MYO16: variants seen among roughly 807,000 people sequenced by gnomAD.
The protein encoded by MYO16 is myosin XVI.
MYO16 carries 94 observed loss-of-function variants against 205.3 expected under a neutral mutation model. The ratio of observed to expected loss-of-function variants is 0.46; its 90% CI spans 0.39 to 0.54. MYO16 has a LOEUF of 0.54. Among genes scored for constraint, MYO16 ranks in the 20% least tolerant of loss-of-function variants. The pLI is 0.00. For missense variants in MYO16, 2,315 were observed against 2,387.5 expected, an observed-to-expected ratio of 0.97 and a Z score of 0.63; for synonymous variants, 988 against 954.0, an observed-to-expected ratio of 1.04 and a Z score of -0.66.
chr13:108,880,047 C>T (rs531225428), intron 12 of MYO16, among the ~76,000 whole-genome samples: 311 of 152,202 alleles, frequency 2.0e-3, no homozygotes, highest in South Asian at 5.2e-3. Flanking sequence ...TTTTAATGAT[C>T]GCCATTCTAA....
At chr13:108,625,117 C>A (rs928784491), upstream of MYO16, among the ~76,000 whole-genome samples, 6 of 152,286 alleles carry the variant, frequency 3.9e-5, no homozygotes, top group Middle Eastern at 3.4e-3. Context: ...CTGTGCAAGT[C>A]TGTATTGTAA....
rs5806751 is a variant in MYO16 at position 108,679,711 on chromosome 13, C to CAAA, written c.292+13571_292+13573dup. Among the ~76,000 whole-genome samples, 323 of 136,058 alleles carry CAAA rather than the reference C, an allele frequency of 2.4e-3. 1 individual carries two copies. Among genetic ancestry groups the CAAA allele is most frequent in the Middle Eastern group, 7.9e-3 (2 of 252 alleles). 89.3% of individuals were successfully genotyped at this position (136,058 alleles called of 152,430 possible). A position where few individuals can be genotyped will look rare whatever the true frequency, so the allele number is the denominator to read the frequency against. On this transcript the variant is annotated intron_variant, in intron 2 of 34. Coordinates refer to ENST00000457511, the MANE Select transcript of MYO16 (RefSeq NM_001198950.3). The stretch of plus-strand genomic sequence containing the variant: ...CCTAAATGTACTGTTCTTGGTTCTG[C>CAAA]AAAAAAAAAAATAATAATAATAATA...
intron 4 of MYO16, among the ~76,000 whole-genome samples, chr13:108,734,502 A>G (rs779280149): frequency 6.6e-6 from 1 of 152,126 alleles, no homozygotes; most frequent in Non-Finnish European, 1.5e-5. Flanking sequence ...CTCCCCACCT[A>G]TGTTGGACAG....
intron 27 of MYO16, among the ~76,000 whole-genome samples, chr13:109,100,155 A>T (rs1035790169): frequency 3.3e-5 from 5 of 152,196 alleles, no homozygotes; most frequent in African/African-American, 1.2e-4. Context: ...TAAATGGATG[A>T]TGTAATTTTA....
chr13:108,888,110 G>T (rs928784940), intron 13 of MYO16, among the ~76,000 whole-genome samples: 10 of 152,128 alleles, frequency 6.6e-5, no homozygotes, highest in Non-Finnish European at 1.5e-5. Context: ...CATTTGTAAT[G>T]CCAGCATCTG....
chr13:108,732,177 T>C (rs2139593641), intron 4 of MYO16, among the ~76,000 whole-genome samples: 1 of 152,348 alleles, frequency 6.6e-6, no homozygotes, highest in Non-Finnish European at 1.5e-5. Context: ...CTTCTTTCCA[T>C]TTTCCAGAGC....
the MYO16 span, among the ~76,000 whole-genome samples, chr13:108,529,404 AT>A: frequency 1.6e-4 from 24 of 151,006 alleles, 1 homozygote; most frequent in South Asian, 4.2e-4. Flanking sequence ...CTTTAAAGCC[AT>A]TTTTTTTTAA....
chr13:108,744,711 G>A (rs969693158), intron 4 of MYO16, among the ~76,000 whole-genome samples: 4 of 152,128 alleles, frequency 2.6e-5, no homozygotes, highest in African/African-American at 9.7e-5. Context: ...TGATCTTAAG[G>A]CAAGTTGACC....
chr13:109,058,030 G>C (rs1032197420), intron 27 of MYO16, among the ~76,000 whole-genome samples: 2 of 152,044 alleles, frequency 1.3e-5, no homozygotes, highest in African/African-American at 4.8e-5. Context: ...TCACCTGGAG[G>C]CTTCTTAAAA....
chr13:109,058,009 G>C (rs1400127779), intron 27 of MYO16, among the ~76,000 whole-genome samples: 1 of 152,112 alleles, frequency 6.6e-6, no homozygotes, highest in East Asian at 1.9e-4. Context: ...TGACATGAGT[G>C]CACATCAAAA....
chr13:108,934,909 CTT>C (rs897070673), intron 16 of MYO16, among the ~76,000 whole-genome samples: 9 of 152,024 alleles, frequency 5.9e-5, no homozygotes, highest in South Asian at 2.1e-4. Flanking sequence ...CTTTTGCTGA[CTT>C]TGTTGAGATT....
At chr13:108,575,407 G>T in the MYO16 span, among the ~76,000 whole-genome samples, 1 of 152,108 alleles carries the variant, frequency 6.6e-6, no homozygotes, top group African/African-American at 2.4e-5. Flanking sequence ...TCAGGCCCTT[G>T]CTCTGCTGCC....
At chr13:108,496,192 A>G in the MYO16 span, among the ~76,000 whole-genome samples, 1 of 151,336 alleles carries the variant, frequency 6.6e-6, no homozygotes, top group Non-Finnish European at 1.5e-5. Flanking sequence ...CCCAACCGCT[A>G]GGACGCGTAA....
chr13:108,722,953 C>A (rs1183395643), intron 3 of MYO16, among the ~76,000 whole-genome samples: 2 of 152,162 alleles, frequency 1.3e-5, no homozygotes, highest in Non-Finnish European at 2.9e-5. Flanking sequence ...TGTAAGAATT[C>A]GCATTTGTCA....
At chr13:108,971,752 C>T (rs893093564) in intron 20 of MYO16, among the ~76,000 whole-genome samples, 1 of 152,056 alleles carries the variant, frequency 6.6e-6, no homozygotes, top group African/African-American at 2.4e-5. Context: ...ATTGATTTCT[C>T]ATGAGTTAGT....
chr13:108,890,623 A>G (rs1379344841), intron 14 of MYO16, among the ~76,000 whole-genome samples: 1 of 152,166 alleles, frequency 6.6e-6, no homozygotes, highest in Non-Finnish European at 1.5e-5. Context: ...TCATGCTGCT[A>G]TCTAGTTCGG....
chr13:108,891,524 T>C (rs914408157), intron 14 of MYO16, among the ~76,000 whole-genome samples: 1 of 152,248 alleles, frequency 6.6e-6, no homozygotes, highest in African/African-American at 2.4e-5. Context: ...AGAAATAATG[T>C]ACATATGTGC....
At chr13:108,736,371 G>T (rs1219018811) in intron 4 of MYO16, among the ~76,000 whole-genome samples, 3 of 152,134 alleles carry the variant, frequency 2.0e-5, no homozygotes, top group Non-Finnish European at 4.4e-5. Flanking sequence ...TGGCTAGCCA[G>T]TTTTCCCAGC....
intron 32 of MYO16, among the ~76,000 whole-genome samples, chr13:109,149,046 A>T (rs2139827809): frequency 6.6e-6 from 1 of 152,310 alleles, no homozygotes; most frequent in South Asian, 2.1e-4. Flanking sequence ...TAGGCTTTGT[A>T]CCTGGAAGCT....
Sources: allele counts gnomAD v4.1 joint callset (sites outside exome capture counted in the v4.1 genomes callset), GRCh38; gene constraint gnomAD v4.1.1; transcripts MANE v1.5; gene names NCBI Gene and HGNC (gene_info 2026-07-23, HGNC 2026-07-21).